The following SERPINF1 variants were observed in gnomAD, a reference collection of about 807,000 sequenced individuals.
SERPINF1 encodes the protein serpin family F member 1.
SERPINF1 carries 29 observed loss-of-function variants against 37.3 expected under a neutral mutation model. The ratio of observed to expected loss-of-function variants is 0.78; its 90% CI spans 0.58 to 1.06. The LOEUF (loss-of-function observed/expected upper bound fraction) is 1.06, where lower values mean the gene tolerates loss of function less well. Among genes scored for constraint, SERPINF1 ranks in the 50% least tolerant of loss-of-function variants. SERPINF1 has a pLI of 0.00. For synonymous variants in SERPINF1, 281 were observed against 227.9 expected (o/e 1.23, Z -2.10); for missense variants, 553 against 532.2 (o/e 1.04, Z -0.38).
intron 7 of SERPINF1, 127 bp from the exon 8 acceptor site, chr17:1,777,060 C>G (rs985479587): frequency 5.4e-6 from 8 of 1,468,876 alleles, no homozygotes; most frequent in Non-Finnish European, 7.6e-6. Flanking sequence ...TCGGTCAGCT[C>G]AGACCTCTTC....
chr17:1,775,159 G>A lies in SERPINF1; in HGVS notation c.745G>A (p.Ala249Thr). 6.2e-7 allele frequency: 1 copy of A among 1,613,184 alleles called. No homozygotes were observed. Among genetic ancestry groups the A allele is most frequent in the Non-Finnish European group, 8.5e-7 (1 of 1,179,534 alleles). ...VRVPMMSDPK[A>T]VLRYGLDSDL... ...GGTCCCCATGATGTCGGACCCTAAG[G>A]CTGTTTTACGCTATGGCTTGGATTC... Residue 249 changes from alanine (A) to threonine (T), a missense_variant, in exon 6 of 8, where the codon GCT becomes ACT. By Grantham distance (58) the Ala-to-Thr change is moderately conservative. Transcript: ENST00000254722.
At chr17:1,764,000 C>T (rs1907228090) in intron 1 of SERPINF1, among the ~76,000 whole-genome samples, 3 of 152,220 alleles carry the variant, frequency 2.0e-5, no homozygotes, top group Admixed American at 6.5e-5. Flanking sequence ...CTGGCCAACA[C>T]GGTGAAACCC....
At chr17:1,774,455 C>A (rs1202719595) in intron 5 of SERPINF1, among the ~76,000 whole-genome samples, 2 of 152,152 alleles carry the variant, frequency 1.3e-5, no homozygotes, top group Non-Finnish European at 2.9e-5. Flanking sequence ...GCCTTGGCCT[C>A]CCAAAGTGCT....
At chr17:1,763,594 C>T (rs771305099) in intron 1 of SERPINF1, among the ~76,000 whole-genome samples, 3 of 152,242 alleles carry the variant, frequency 2.0e-5, no homozygotes, top group Admixed American at 6.5e-5. Flanking sequence ...CAGACCCCCA[C>T]GCTTGCCCTC....
chr17:1,773,139 C>A (rs1019483778), intron 5 of SERPINF1, among the ~76,000 whole-genome samples: 3 of 152,246 alleles, frequency 2.0e-5, no homozygotes, highest in Admixed American at 1.3e-4. Context: ...CAAGGCAAGG[C>A]GTGAATGTCT....
intron 1 of SERPINF1, among the ~76,000 whole-genome samples, chr17:1,763,546 TG>T (rs2151203264): frequency 6.6e-6 from 1 of 152,356 alleles, no homozygotes; most frequent in South Asian, 2.1e-4. Context: ...GCAACCACTG[TG>T]GACAGGGTAT....
At chr17:1,766,806 C>A in intron 1 of SERPINF1, 97 bp from the exon 2 acceptor site, 1 of 1,237,222 alleles carries the variant, frequency 8.1e-7, no homozygotes, top group Non-Finnish European at 1.2e-6. Flanking sequence ...ACTAGCCCTG[C>A]CCAACCCCTG....
At position 1,776,688 on chromosome 17, in the gene SERPINF1, C is replaced by T; in HGVS notation, c.943C>T (p.Pro315Ser). The T allele has an allele frequency of 1.2e-6, 2 of 1,613,276 alleles. No individual in the cohort carries two copies. The highest frequency in any genetic ancestry group is 1.7e-6 in the Non-Finnish European group (2 of 1,179,716). ...LKTVQAVLTV[P>S]KLKLSYEGEV... is the part of the protein sequence containing the mutation. ...GACCGTGCAGGCGGTCCTCACTGTC[C>T]CCAAGCTGAAGCTGAGTTATGAAGG... Residue 315 changes from proline (P) to serine (S), a missense_variant, in exon 7 of 8, where the codon CCC becomes TCC. Transcript: ENST00000254722.
chr17:1,762,532 G>A (rs935990870), intron 1 of SERPINF1, among the ~76,000 whole-genome samples: 6 of 152,196 alleles, frequency 3.9e-5, no homozygotes, highest in African/African-American at 1.4e-4. Flanking sequence ...TCAGGAAGGC[G>A]GCCGCCCTGC....
At chr17:1,776,776 G>A (rs766108871) in intron 7 of SERPINF1, 34 bp downstream of exon 7, 1 of 1,601,932 alleles carries the variant, frequency 6.2e-7, no homozygotes, top group Non-Finnish European at 8.6e-7. Context: ...CTTGGTGGGT[G>A]GATGGGGTGG....
intron 4 of SERPINF1, chr17:1,771,598 GCC>G (rs1907739653): frequency 3.9e-6 from 2 of 506,456 alleles, no homozygotes. Context: ...TGGAGGAAGG[GCC>G]CGTGAGCCCA....
At chr17:1,762,722 G>A (rs7209712) in intron 1 of SERPINF1, 136,537 of 152,450 alleles carry the variant, frequency 0.9, 63,139 homozygotes, top group East Asian at 1. Flanking sequence ...CTTTGGCTAC[G>A]TGAGTCAAGG....
At position 1,777,285 on chromosome 17, in the gene SERPINF1, G is replaced by C. The variant is rs764446787; in HGVS notation, c.1096G>C (p.Glu366Gln). 52 of 1,614,000 alleles carry C rather than the reference G, an allele frequency of 3.2e-5. No homozygotes were observed. Among genetic ancestry groups the C allele is most frequent in the Non-Finnish European group, 8.5e-7 (1 of 1,180,036 alleles). The change falls in exon 8 of 8, where the codon GAG (glutamate) becomes CAG (glutamine). Residue 366 changes from glutamate (E) to glutamine (Q), a missense_variant. Glu to Gln is a conservative substitution (Grantham distance 29). Coordinates refer to ENST00000254722, the MANE Select transcript of SERPINF1 (RefSeq NM_002615.7). ...ACACCGGGCTGGCTTTGAGTGGAACGAGGATGGGGCGGGAACCACCCCCAG... is the reference window on the plus strand; with the variant it reads ...ACACCGGGCTGGCTTTGAGTGGAACCAGGATGGGGCGGGAACCACCCCCAG... Reference protein sequence around the residue: ...VEHRAGFEWNEDGAGTTPSPG... With the variant: ...VEHRAGFEWNQDGAGTTPSPG...
rs747307357 is a variant in SERPINF1, at chr17:1,777,313, C to T, written c.1124C>T (p.Pro375Leu). The change falls in exon 8 of 8, where the codon CCA becomes CTA. Residue 375 changes from proline to leucine, a missense_variant. By Grantham distance (98) the Pro-to-Leu change is moderately conservative. Coordinates refer to ENST00000254722, the MANE Select transcript of SERPINF1 (RefSeq NM_002615.7). ...NEDGAGTTPS[P>L]GLQPAHLTFP... The stretch of plus-strand genomic sequence containing the variant: ...GATGGGGCGGGAACCACCCCCAGCC[C>T]AGGGCTGCAGCCTGCCCACCTCACC... 1.2e-6 allele frequency: 2 copies of T among 1,614,138 alleles called. No individual in the cohort carries two copies. Among genetic ancestry groups the T allele is most frequent in the South Asian group, 2.2e-5 (2 of 91,084 alleles).
At chr17:1,776,850 G>T (rs974464594) in intron 7 of SERPINF1, 108 bp downstream of exon 7, 2 of 1,053,582 alleles carry the variant, frequency 1.9e-6, no homozygotes, top group East Asian at 2.4e-5. Context: ...GCTTGTAGGG[G>T]GGCCGTGGAT....
At chr17:1,768,939 G>A (rs958139830) in intron 2 of SERPINF1, among the ~76,000 whole-genome samples, 1 of 151,898 alleles carries the variant, frequency 6.6e-6, no homozygotes, top group African/African-American at 2.4e-5. Flanking sequence ...CTGAGTAGCT[G>A]GGATTACAGG....
At chr17:1,763,397 A>G (rs1198982835) in intron 1 of SERPINF1, among the ~76,000 whole-genome samples, 2 of 152,240 alleles carry the variant, frequency 1.3e-5, no homozygotes, top group African/African-American at 4.8e-5. Context: ...ACCTTGGCCC[A>G]GCAGGGAGGG....
intron 1 of SERPINF1, chr17:1,762,882 G>A (rs1907165923): frequency 6.6e-6 from 1 of 152,456 alleles, no homozygotes; most frequent in Non-Finnish European, 1.5e-5. Context: ...CCACTGGGAG[G>A]GGTAGGTCTC....
At chr17:1,770,110 C>A in intron 3 of SERPINF1, 60 bp downstream of exon 3, 1 of 1,577,872 alleles carries the variant, frequency 6.3e-7, no homozygotes, top group Non-Finnish European at 8.7e-7. Context: ...GTGGCCTCTG[C>A]GTAAACGTGG....
Sources: gnomAD v4.1 joint callset for allele counts (sites outside exome capture counted in the v4.1 genomes callset) on GRCh38, gnomAD v4.1.1 for gene constraint, MANE v1.5 for transcripts, NCBI Gene and HGNC (gene_info 2026-07-23, HGNC 2026-07-21) for gene names.